The following CREB1 variants were observed in gnomAD, a reference collection of about 807,000 sequenced individuals.
CREB1 encodes the protein cyclic AMP-responsive element-binding protein 1.
CREB1 carries 2 observed loss-of-function variants against 42.0 expected under a neutral mutation model. The ratio of observed to expected loss-of-function variants is 0.05; its 90% CI spans 0.02 to 0.15. The LOEUF is 0.15. Ranked by LOEUF, CREB1 falls within the 10% of genes least tolerant of loss-of-function variation. The pLI is 1.00. For synonymous variants in CREB1, 123 were observed against 139.9 expected (o/e 0.88, Z 0.85); for missense variants, 199 against 388.9 (o/e 0.51, Z 4.11).
At chr2:207,545,789 A>G (rs1489785465) in intron 1 of CREB1, among the ~76,000 whole-genome samples, 1 of 150,274 alleles carries the variant, frequency 6.7e-6, no homozygotes, top group African/African-American at 2.5e-5. Context: ...GCTAGAGTGC[A>G]ATGGCGCAAT....
chr2:207,595,363 A>G (rs927710340), intron 7 of CREB1, among the ~76,000 whole-genome samples: 45 of 151,980 alleles, frequency 3.0e-4, no homozygotes, highest in African/African-American at 1.1e-3. Context: ...CCCTATGCCC[A>G]TTTTTTAAAT....
chr2:207,530,865 C>CG (rs2080587507), intron 1 of CREB1, among the ~76,000 whole-genome samples: 1 of 151,596 alleles, frequency 6.6e-6, no homozygotes. Flanking sequence ...CTTTCCCCCC[C>CG]GCTCCTACAC....
chr2:207,559,373 T>C (rs1322945643), intron 2 of CREB1: 1 of 741,180 alleles, frequency 1.3e-6, no homozygotes, highest in Non-Finnish European at 1.6e-6. Context: ...ATTTTTCTTT[T>C]AGCAAACCTC....
At chr2:207,583,923 T>C (rs1293959651) in intron 7 of CREB1, among the ~76,000 whole-genome samples, 4 of 152,248 alleles carry the variant, frequency 2.6e-5, no homozygotes, top group Non-Finnish European at 5.9e-5. Context: ...AATGGTATCT[T>C]AAATTATAAT....
intron 7 of CREB1, among the ~76,000 whole-genome samples, chr2:207,590,024 T>C (rs1343845175): frequency 4.0e-5 from 6 of 151,868 alleles, no homozygotes; most frequent in Non-Finnish European, 1.5e-5. Context: ...TTAAGCCTTA[T>C]ATGGTTGGTA....
chr2:207,549,352 A>G (rs1176040598), intron 1 of CREB1, among the ~76,000 whole-genome samples: 2 of 152,180 alleles, frequency 1.3e-5, no homozygotes, highest in Admixed American at 1.3e-4. Flanking sequence ...TATTGATTAG[A>G]TAACAGCTCA....
chr2:207,573,878 C>G (rs191393192), intron 5 of CREB1, among the ~76,000 whole-genome samples: 1 of 152,198 alleles, frequency 6.6e-6, no homozygotes, highest in Admixed American at 6.5e-5. Flanking sequence ...ATGTTAAATA[C>G]AGTAGGATTC....
rs1559089837 is a variant in CREB1 at position 207,599,534 on chromosome 2, C to A, written c.*2476C>A. 1 of 196,568 alleles carries A rather than the reference C, an allele frequency of 5.1e-6. No homozygotes were observed. The allele number at this position is 196,568 out of a possible 1,614,324, so 12.2% of individuals were successfully genotyped here. A position where few individuals can be genotyped will look rare whatever the true frequency, so the allele number is the denominator to read the frequency against. ...GGATGAATTTATAAGTTATAAAGAC[C>A]TTATCCTTCATACCTTGAGGATGAT... On this transcript the variant is annotated 3_prime_UTR_variant, in exon 8 of 8. Coordinates refer to ENST00000353267, the MANE Select transcript of CREB1 (RefSeq NM_004379.5).
intron 7 of CREB1, among the ~76,000 whole-genome samples, chr2:207,583,098 A>C (rs777616678): frequency 2.0e-5 from 3 of 152,152 alleles, no homozygotes; most frequent in Non-Finnish European, 4.4e-5. Context: ...AACTATTTAC[A>C]TAGTATTTAC....
chr2:207,570,263 T>C lies in CREB1; in HGVS notation c.447T>C (p.Pro149=). 1.2e-6 allele frequency: 2 copies of C among 1,613,886 alleles called. No individual in the cohort carries two copies. Among genetic ancestry groups the C allele is most frequent in the Non-Finnish European group, 1.7e-6 (2 of 1,179,814 alleles). Residue 149 remains proline, a synonymous_variant, in exon 5 of 8, where the codon CCT becomes CCC. Transcript: ENST00000353267. ...AGTCTGAAGAGGAGACTTCAGCACC[T>C]GCCATCACCACTGTAACGGTGCCAA... The part of the protein sequence containing the change: ...EEKSEEETSA[P]AITTVTVPTP...
chr2:207,571,757 T>C, intron 5 of CREB1: 1 of 455,386 alleles, frequency 2.2e-6, no homozygotes, highest in South Asian at 1.6e-5. Flanking sequence ...TACAACATAC[T>C]CCTGTCAGTA....
At chr2:207,571,587 G>C (rs903491776) in intron 5 of CREB1, 1 of 201,924 alleles carries the variant, frequency 5.0e-6, no homozygotes. Flanking sequence ...TAAGATCTTT[G>C]TGGCAGATAT....
rs2087232440 is a variant in CREB1 at position 207,602,428 on chromosome 2, C to G, written c.*5370C>G. 1.0e-5 allele frequency: 2 copies of G among 198,746 alleles called. No homozygotes were observed. The highest frequency in any genetic ancestry group is 2.3e-5 in the African/African-American group (1 of 43,370). The allele number at this position is 198,746 out of a possible 1,614,324, so 12.3% of individuals were successfully genotyped here. A position where few individuals can be genotyped will look rare whatever the true frequency, so the allele number is the denominator to read the frequency against. The stretch of plus-strand genomic sequence containing the variant: ...AGCAAGTAAAAGGAAAATGAACAAT[C>G]TTTTGGAATTGTCTTTGAAAAGGAT... On this transcript the variant is annotated 3_prime_UTR_variant, in exon 8 of 8. Transcript: ENST00000353267.
intron 5 of CREB1, among the ~76,000 whole-genome samples, chr2:207,573,083 C>A (rs894938339): frequency 3.3e-5 from 5 of 152,016 alleles, no homozygotes; most frequent in African/African-American, 4.8e-5. Context: ...ATGATGTTTC[C>A]CTCTTTATTC....
intron 7 of CREB1, 32 bp downstream of exon 7, chr2:207,577,687 G>GTGTT: frequency 1.2e-6 from 2 of 1,609,622 alleles, no homozygotes; most frequent in Non-Finnish European, 1.7e-6. Context: ...AGATTGTTAT[G>GTGTT]TGTTAAGTGT....
At chr2:207,586,429 T>C (rs1237599349) in intron 7 of CREB1, among the ~76,000 whole-genome samples, 2 of 152,162 alleles carry the variant, frequency 1.3e-5, no homozygotes, top group Non-Finnish European at 2.9e-5. Context: ...GTGGATTAAA[T>C]ACTTAAACAT....
intron 7 of CREB1, 72 bp downstream of exon 7, chr2:207,577,727 T>A: frequency 6.5e-7 from 1 of 1,549,856 alleles, no homozygotes. Context: ...TGTGTATCTT[T>A]ACATCTACTG....
intron 1 of CREB1, among the ~76,000 whole-genome samples, chr2:207,540,194 G>A (rs2081037696): frequency 6.6e-6 from 1 of 152,170 alleles, no homozygotes; most frequent in South Asian, 2.1e-4. Context: ...CCAGAAGAAG[G>A]CATTGTTACC....
In CREB1 at chr2:207,598,852, A is replaced by G. The variant is rs1315316850; in HGVS notation, c.*1794A>G. ...GACTCCATCTCAAAAAATAAAAATA[A>G]AAAAAATGTCTCATTTGGGAAGGAA... On this transcript the variant is annotated 3_prime_UTR_variant, in exon 8 of 8. Coordinates refer to ENST00000353267, the MANE Select transcript of CREB1 (RefSeq NM_004379.5). 3.7e-5 allele frequency: 1 copy of G among 26,746 alleles called. No homozygotes were observed. Among genetic ancestry groups the G allele is most frequent in the Non-Finnish European group, 6.5e-5 (1 of 15,468 alleles). The allele number at this position is 26,746 out of a possible 1,614,324, so 1.7% of individuals were successfully genotyped here.
Sources: gnomAD v4.1 joint callset for allele counts (sites outside exome capture counted in the v4.1 genomes callset) on GRCh38, gnomAD v4.1.1 for gene constraint, MANE v1.5 for transcripts, NCBI Gene and HGNC (gene_info 2026-07-23, HGNC 2026-07-21) for gene names.